The following SLC12A6 variants were observed in gnomAD, a reference collection of about 807,000 sequenced individuals.
SLC12A6 encodes solute carrier family 12 member 6, also known as K-Cl cotransporter 3.
In SLC12A6, 66 loss-of-function variants were observed where a neutral mutation model predicts 135.3. The ratio of observed to expected loss-of-function variants is 0.49; its 90% CI spans 0.40 to 0.60. The LOEUF (loss-of-function observed/expected upper bound fraction) is 0.60. SLC12A6 is among the 20% of genes least tolerant of loss of function. SLC12A6 has a pLI of 0.00. For synonymous variants in SLC12A6, 513 were observed against 508.8 expected (o/e 1.01, Z -0.11); for missense variants, 1,058 against 1,452.3 (o/e 0.73, Z 4.41).
chr15:34,303,377 T>C (rs1382702732), intron 2 of SLC12A6, among the ~76,000 whole-genome samples: 1 of 152,232 alleles, frequency 6.6e-6, no homozygotes, highest in African/African-American at 2.4e-5. Context: ...GTGTATACTT[T>C]GAATAGTAAA....
chr15:34,256,823 A>C (rs1892781988), intron 6 of SLC12A6, among the ~76,000 whole-genome samples: 1 of 152,308 alleles, frequency 6.6e-6, no homozygotes, highest in South Asian at 2.1e-4. Context: ...GGTAAAAACT[A>C]TAGTGGTGGT....
rs1382744851 is a variant in SLC12A6, at chr15:34,231,423, C to G, written c.*2458G>C. The G allele has an allele frequency of 6.6e-6, 1 of 150,748 alleles. No individual in the cohort carries two copies. The highest frequency in any genetic ancestry group is 1.9e-4 in the East Asian group (1 of 5,162). 9.3% of individuals were successfully genotyped at this position (150,748 alleles called of 1,614,324 possible). A position where few individuals can be genotyped will look rare whatever the true frequency, so the allele number is the denominator to read the frequency against. On this transcript the variant is annotated 3_prime_UTR_variant, in exon 26 of 26. Transcript: ENST00000354181. ...CATGACTCACTACTGTTAAACTCAACTAAGCAATGGAGTGTTGCAGTGGGA... is the reference window on the plus strand; with the variant it reads ...CATGACTCACTACTGTTAAACTCAAGTAAGCAATGGAGTGTTGCAGTGGGA...
chr15:34,289,037 G>C (rs1895325788), intron 2 of SLC12A6, among the ~76,000 whole-genome samples: 2 of 152,212 alleles, frequency 1.3e-5, no homozygotes, highest in South Asian at 4.1e-4. Flanking sequence ...TAGGAGTGGT[G>C]AGAGAGGGCA....
chr15:34,237,157 T>A (rs964725169), intron 22 of SLC12A6: 10 of 471,204 alleles, frequency 2.1e-5, no homozygotes, highest in African/African-American at 2.0e-4. Flanking sequence ...CATAAAACTA[T>A]ATTAAGCAGA....
intron 2 of SLC12A6, among the ~76,000 whole-genome samples, chr15:34,295,453 A>G (rs1020858148): frequency 2.0e-5 from 3 of 152,216 alleles, no homozygotes; most frequent in African/African-American, 7.2e-5. Flanking sequence ...AACAGACATA[A>G]TAACAATTAT....
At chr15:34,287,975 T>C (rs1013835825) in intron 2 of SLC12A6, among the ~76,000 whole-genome samples, 2 of 152,240 alleles carry the variant, frequency 1.3e-5, no homozygotes, top group South Asian at 4.1e-4. Context: ...AGAAGCTCTT[T>C]AGTTTAATTA....
At chr15:34,281,447 A>G (rs1373968389) in intron 2 of SLC12A6, among the ~76,000 whole-genome samples, 1 of 152,228 alleles carries the variant, frequency 6.6e-6, no homozygotes, top group Admixed American at 6.5e-5. Context: ...AATTTATAGC[A>G]ATGAACTAGA....
chr15:34,245,807 C>A lies in SLC12A6; in HGVS notation c.1710G>T (p.Trp570Cys). ...VVGTLSWPSP[W>C]VIVIGSFFST... The stretch of plus-strand genomic sequence containing the variant: ...AAAAGAAGGAGCCAATAACAATCAC[C>A]CATGGGGATGGCCAAGATAAGGTGC... The change falls in exon 14 of 26, where the codon TGG becomes TGT. Residue 570 changes from tryptophan to cysteine, a missense_variant. Coordinates refer to ENST00000354181, the MANE Select transcript of SLC12A6 (RefSeq NM_001365088.1). The A allele has an allele frequency of 1.2e-6, 2 of 1,613,548 alleles. No homozygotes were observed. Among genetic ancestry groups the A allele is most frequent in the Non-Finnish European group, 1.7e-6 (2 of 1,179,480 alleles).
At chr15:34,256,614 T>C (rs1892767774) in intron 6 of SLC12A6, among the ~76,000 whole-genome samples, 1 of 152,138 alleles carries the variant, frequency 6.6e-6, no homozygotes, top group Admixed American at 6.5e-5. Flanking sequence ...ACTCAGAAAA[T>C]AGGTTAGAAC....
At chr15:34,273,851 TA>T (rs1296521409) in intron 3 of SLC12A6, among the ~76,000 whole-genome samples, 2 of 151,990 alleles carry the variant, frequency 1.3e-5, no homozygotes, top group African/African-American at 4.8e-5. Context: ...ACCTATTAGG[TA>T]AAGAAACTAT....
At chr15:34,308,576 G>C (rs1382865108) in intron 2 of SLC12A6, among the ~76,000 whole-genome samples, 2 of 134,058 alleles carry the variant, frequency 1.5e-5, no homozygotes, top group African/African-American at 5.7e-5. Context: ...AGTGAGCCGA[G>C]ACCACTCCAC....
chr15:34,262,293 A>C (rs1461904820), intron 3 of SLC12A6, among the ~76,000 whole-genome samples: 2 of 152,166 alleles, frequency 1.3e-5, no homozygotes, highest in Non-Finnish European at 2.9e-5. Flanking sequence ...CAATGAGCAT[A>C]CACTCCCCTA....
intron 3 of SLC12A6, among the ~76,000 whole-genome samples, chr15:34,274,016 G>C (rs1357822944): frequency 1.3e-5 from 2 of 151,892 alleles, no homozygotes; most frequent in Non-Finnish European, 2.9e-5. Flanking sequence ...CAAATATACT[G>C]GCATTAAGAC....
intron 2 of SLC12A6, among the ~76,000 whole-genome samples, chr15:34,296,867 T>C (rs1895910435): frequency 6.6e-6 from 1 of 152,176 alleles, no homozygotes; most frequent in South Asian, 2.1e-4. Context: ...GAAAAGTAGA[T>C]ATGCTTCTAC....
At chr15:34,333,886 C>CA (rs904362674) in intron 2 of SLC12A6, among the ~76,000 whole-genome samples, 34 of 152,098 alleles carry the variant, frequency 2.2e-4, no homozygotes, top group African/African-American at 8.0e-4. Context: ...GGTTGACTAA[C>CA]ATGATGAAAC....
At chr15:34,251,538 C>T (rs1170327058) in intron 10 of SLC12A6, among the ~76,000 whole-genome samples, 3 of 152,104 alleles carry the variant, frequency 2.0e-5, no homozygotes, top group East Asian at 3.9e-4. Flanking sequence ...TAACCCACGG[C>T]GCCCAGCTAA....
chr15:34,276,981 AT>A (rs1193056467), intron 2 of SLC12A6, among the ~76,000 whole-genome samples: 8 of 152,172 alleles, frequency 5.3e-5, no homozygotes, highest in Non-Finnish European at 1.0e-4. Flanking sequence ...TTTAAATGCT[AT>A]TTGAACATTT....
intron 2 of SLC12A6, among the ~76,000 whole-genome samples, chr15:34,310,157 C>T (rs1482242094): frequency 6.6e-6 from 1 of 150,718 alleles, no homozygotes; most frequent in African/African-American, 2.5e-5. Flanking sequence ...TACAGGCACA[C>T]AACACCACGC....
At chr15:34,258,072 C>T (rs886814001) in intron 5 of SLC12A6, among the ~76,000 whole-genome samples, 9 of 152,190 alleles carry the variant, frequency 5.9e-5, no homozygotes, top group Non-Finnish European at 1.3e-4. Flanking sequence ...TGTGCACCCA[C>T]AACAATTTAA....
Sources: gnomAD v4.1 joint callset for allele counts (sites outside exome capture counted in the v4.1 genomes callset) on GRCh38, gnomAD v4.1.1 for gene constraint, MANE v1.5 for transcripts, NCBI Gene and HGNC (gene_info 2026-07-23, HGNC 2026-07-21) for gene names.